Variants in PDE4D observed in about 807,000 individuals in gnomAD.
PDE4D encodes the protein phosphodiesterase 4D, also known as 3',5'-cyclic-AMP phosphodiesterase 4D.
In PDE4D, 24 loss-of-function variants were observed where a neutral mutation model predicts 87.4. The ratio of observed to expected loss-of-function variants is 0.27; its 90% CI spans 0.20 to 0.39. The LOEUF is 0.39. Ranked by LOEUF, PDE4D falls within the 10% of genes least tolerant of loss-of-function variation. The probability of loss-of-function intolerance (pLI) is 1.00; values close to 1 mark genes in which losing one functional copy is unlikely to be tolerated. For synonymous variants in PDE4D, 384 were observed against 383.2 expected (o/e 1.00, Z -0.02); for missense variants, 714 against 1,041.0 (o/e 0.69, Z 4.32).
intron 1 of PDE4D, among the ~76,000 whole-genome samples, chr5:59,615,072 T>G: frequency 6.6e-6 from 1 of 152,144 alleles, no homozygotes; most frequent in East Asian, 1.9e-4. Flanking sequence ...TCAAGCGATC[T>G]GCAGGCCTCG....
chr5:59,311,992 T>C lies in PDE4D; in HGVS notation c.456-96024A>G, dbSNP rs549498954. 1.2e-3 allele frequency among the ~76,000 whole-genome samples: 188 copies of C among 152,268 alleles called. 1 individual carries two copies. The highest frequency in any genetic ancestry group is 4.4e-3 in the African/African-American group (184 of 41,566). On this transcript the variant is annotated intron_variant, in intron 1 of 14. Coordinates refer to ENST00000340635, the MANE Select transcript of PDE4D (RefSeq NM_001104631.2). The stretch of plus-strand genomic sequence containing the variant: ...CAAAAGGAAAAACTACCTCCTCCTT[T>C]GGAGGTGAAAGAGGGAGAAACAGCC...
At chr5:59,496,285 T>C (rs1168291042) in intron 1 of PDE4D, among the ~76,000 whole-genome samples, 1 of 152,104 alleles carries the variant, frequency 6.6e-6, no homozygotes, top group East Asian at 1.9e-4. Flanking sequence ...TTTCAGCTGC[T>C]TGTGTCTCTA....
intron 1 of PDE4D, among the ~76,000 whole-genome samples, chr5:59,558,084 A>T (rs986432445): frequency 3.3e-5 from 5 of 152,202 alleles, no homozygotes; most frequent in African/African-American, 9.6e-5. Context: ...GATTTATTGC[A>T]AACCATGCTT....
chr5:59,874,807 G>T (rs1748320592), intron 1 of PDE4D, among the ~76,000 whole-genome samples: 1 of 152,138 alleles, frequency 6.6e-6, no homozygotes, highest in South Asian at 2.1e-4. Flanking sequence ...GACTAATGGA[G>T]CATTAATCTG....
chr5:59,232,809 T>C (rs888250055), intron 1 of PDE4D, among the ~76,000 whole-genome samples: 3 of 125,544 alleles, frequency 2.4e-5, no homozygotes, highest in Admixed American at 2.2e-4. Flanking sequence ...ATAGAGAAAA[T>C]ACATATATAT....
chr5:59,938,574 G>T (rs187555592), intron 3 of PDE4D, among the ~76,000 whole-genome samples: 110 of 152,304 alleles, frequency 7.2e-4, no homozygotes, highest in Middle Eastern at 3.4e-3. Flanking sequence ...GCATGGATAT[G>T]CTAATAATCA....
chr5:59,489,909 GA>G (rs1805875365), intron 1 of PDE4D, among the ~76,000 whole-genome samples: 1 of 152,118 alleles, frequency 6.6e-6, no homozygotes, highest in Non-Finnish European at 1.5e-5. Context: ...ATATAGTAAT[GA>G]TAATAGTTAT....
intron 1 of PDE4D, among the ~76,000 whole-genome samples, chr5:59,452,704 C>T (rs756395594): frequency 2.0e-5 from 3 of 152,158 alleles, no homozygotes; most frequent in South Asian, 2.1e-4. Flanking sequence ...GCCTTCAGAG[C>T]GTAGCCTCCA....
chr5:59,606,027 A>C (rs1828151552), intron 1 of PDE4D, among the ~76,000 whole-genome samples: 1 of 152,110 alleles, frequency 6.6e-6, no homozygotes, highest in African/African-American at 2.4e-5. Flanking sequence ...AGAACAGTTG[A>C]TATACATATA....
At chr5:60,099,059 CT>C (rs1300888547) in intron 2 of PDE4D, among the ~76,000 whole-genome samples, 1 of 151,924 alleles carries the variant, frequency 6.6e-6, no homozygotes, top group African/African-American at 2.4e-5. Context: ...TAAAGTACAG[CT>C]TTTACAGACT....
intron 1 of PDE4D, among the ~76,000 whole-genome samples, chr5:60,422,129 T>C (rs1743170511): frequency 6.6e-6 from 1 of 152,198 alleles, no homozygotes; most frequent in Admixed American, 6.5e-5. Flanking sequence ...TGGAGGATAT[T>C]ATCCACAAGA....
At chr5:59,049,204 G>C (rs541365732) in intron 5 of PDE4D, among the ~76,000 whole-genome samples, 1 of 152,008 alleles carries the variant, frequency 6.6e-6, no homozygotes. Flanking sequence ...TTGTGTCTAG[G>C]CCTTTCTATA....
chr5:60,223,176 A>C (rs1744690591), intron 1 of PDE4D, among the ~76,000 whole-genome samples: 1 of 152,134 alleles, frequency 6.6e-6, no homozygotes, highest in Admixed American at 6.5e-5. Context: ...CAGGACTCTG[A>C]GTTAAATTAG....
At chr5:59,100,681 T>C (rs918108194) in intron 5 of PDE4D, among the ~76,000 whole-genome samples, 2 of 152,202 alleles carry the variant, frequency 1.3e-5, no homozygotes, top group African/African-American at 4.8e-5. Flanking sequence ...CTAAACAGAC[T>C]TGAATGATTT....
At chr5:59,108,485 G>C (rs574524416) in intron 5 of PDE4D, among the ~76,000 whole-genome samples, 8 of 152,124 alleles carry the variant, frequency 5.3e-5, no homozygotes, top group Non-Finnish European at 7.3e-5. Flanking sequence ...TGTGTGCATG[G>C]TAATATTTGG....
intron 1 of PDE4D, among the ~76,000 whole-genome samples, chr5:60,393,273 C>G (rs1321675189): frequency 6.6e-6 from 1 of 152,110 alleles, no homozygotes; most frequent in Non-Finnish European, 1.5e-5. Context: ...GAGAACTGGG[C>G]CCTTACTGAT....
At chr5:59,612,285 CA>C (rs1450205213) in intron 1 of PDE4D, among the ~76,000 whole-genome samples, 2 of 141,868 alleles carry the variant, frequency 1.4e-5, no homozygotes, top group African/African-American at 5.3e-5. Context: ...ACTGCTTGTT[CA>C]ATCTTTTAAA....
At chr5:59,966,774 C>G (rs1373109087) in intron 3 of PDE4D, among the ~76,000 whole-genome samples, 1 of 152,096 alleles carries the variant, frequency 6.6e-6, no homozygotes, top group Non-Finnish European at 1.5e-5. Flanking sequence ...AGTTTAATAA[C>G]AGAGCTTAGT....
chr5:60,502,572 C>T (rs1352973456), intron 1 of PDE4D, among the ~76,000 whole-genome samples: 1 of 152,058 alleles, frequency 6.6e-6, no homozygotes, highest in Non-Finnish European at 1.5e-5. Context: ...AAGCTGTAGA[C>T]CAGAGCTGTT....
Sources: allele counts gnomAD v4.1 joint callset (sites outside exome capture counted in the v4.1 genomes callset), GRCh38; gene constraint gnomAD v4.1.1; transcripts MANE v1.5; gene names NCBI Gene and HGNC (gene_info 2026-07-23, HGNC 2026-07-21).